ARID5B: variants seen among roughly 807,000 people sequenced by gnomAD.
The protein encoded by ARID5B is AT-rich interactive domain-containing protein 5B.
In ARID5B, 13 loss-of-function variants were observed where a neutral mutation model predicts 97.2. The observed-to-expected ratio is 0.13, with a 90% confidence interval of 0.09 to 0.21. ARID5B has a LOEUF of 0.21. ARID5B is among the 10% of genes least tolerant of loss of function. The pLI is 1.00. For missense variants in ARID5B, 1,210 were observed against 1,465.3 expected (o/e 0.83, Z 2.84); for synonymous variants, 556 against 570.3 (o/e 0.97, Z 0.36).
At chr10:62,051,036 C>T (rs1839782602) in intron 5 of ARID5B, 36 bp downstream of exon 5, 8 of 1,553,364 alleles carry the variant, frequency 5.2e-6, no homozygotes, top group Non-Finnish European at 7.1e-6. Flanking sequence ...CATTTCGTTG[C>T]ATCTTTTTAT....
intron 3 of ARID5B, among the ~76,000 whole-genome samples, chr10:61,988,690 A>G (rs1211097015): frequency 6.6e-6 from 1 of 151,960 alleles, no homozygotes; most frequent in Non-Finnish European, 1.5e-5. Flanking sequence ...GAACAACCTC[A>G]TTTTTCCCAA....
intron 8 of ARID5B, among the ~76,000 whole-genome samples, chr10:62,078,922 T>C (rs767922766): frequency 1.2e-4 from 18 of 152,246 alleles, no homozygotes; most frequent in Non-Finnish European, 2.1e-4. Context: ...ATGATCCAAC[T>C]AGTATCACTA....
At chr10:61,938,467 T>A (rs1238351025) in intron 2 of ARID5B, among the ~76,000 whole-genome samples, 1 of 152,236 alleles carries the variant, frequency 6.6e-6, no homozygotes, top group African/African-American at 2.4e-5. Flanking sequence ...GTCCAGAAGC[T>A]GTTCCCATAT....
intron 3 of ARID5B, among the ~76,000 whole-genome samples, chr10:61,942,168 A>T (rs1386079668): frequency 1.3e-5 from 2 of 152,222 alleles, no homozygotes; most frequent in Admixed American, 6.5e-5. Flanking sequence ...AATTGTGTTT[A>T]AAATGGATAA....
chr10:62,051,200 C>A, intron 5 of ARID5B, 200 bp downstream of exon 5: 1 of 645,598 alleles, frequency 1.5e-6, no homozygotes, highest in Non-Finnish European at 2.8e-6. Flanking sequence ...GGGAGGTAGG[C>A]ATTTTGATTA....
chr10:61,932,954 A>G (rs995755719), intron 2 of ARID5B, among the ~76,000 whole-genome samples: 1 of 152,188 alleles, frequency 6.6e-6, no homozygotes, highest in African/African-American at 2.4e-5. Context: ...AAATTTAGCC[A>G]GGCCTGTAGT....
chr10:62,062,210 C>T (rs1839929876), intron 7 of ARID5B, among the ~76,000 whole-genome samples: 1 of 152,190 alleles, frequency 6.6e-6, no homozygotes, highest in Admixed American at 6.5e-5. Context: ...AAGCTGTCAT[C>T]ACAGAGTTAC....
At chr10:61,974,971 G>C (rs1440983193) in intron 3 of ARID5B, among the ~76,000 whole-genome samples, 1 of 149,272 alleles carries the variant, frequency 6.7e-6, no homozygotes, top group East Asian at 1.9e-4. Context: ...TTCAGTTTTC[G>C]AAGGAATAAT....
intron 2 of ARID5B, among the ~76,000 whole-genome samples, chr10:61,916,181 G>A (rs1488338420): frequency 1.3e-5 from 2 of 152,216 alleles, no homozygotes; most frequent in Non-Finnish European, 2.9e-5. Context: ...AGCCTGCCGA[G>A]TAGCTGGGAT....
At chr10:62,090,215 G>A (rs1840350308) in intron 9 of ARID5B, among the ~76,000 whole-genome samples, 1 of 152,208 alleles carries the variant, frequency 6.6e-6, no homozygotes, top group Non-Finnish European at 1.5e-5. Context: ...GAAGGACTTA[G>A]TCTCCTCTGT....
At position 61,999,929 on chromosome 10, in the gene ARID5B, G is replaced by T. The variant is rs375763973; in HGVS notation, c.503-162G>T. ...TGAAGCGTATTCTGTGGGGCTGGATGGGTGAAGTGGGGCTGGGAGGATGCT... is the reference window on the plus strand; with the variant it reads ...TGAAGCGTATTCTGTGGGGCTGGATTGGTGAAGTGGGGCTGGGAGGATGCT... On this transcript the variant is annotated intron_variant, in intron 3 of 9. Coordinates refer to ENST00000279873, the MANE Select transcript of ARID5B (RefSeq NM_032199.3). Among the ~76,000 whole-genome samples the T allele has an allele frequency of 3.9e-5, 6 of 152,132 alleles. No homozygotes were observed. The East Asian group carries it at 7.7e-4, about 20-fold the overall frequency.
intron 2 of ARID5B, among the ~76,000 whole-genome samples, chr10:61,933,900 C>T (rs1279769942): frequency 6.6e-6 from 1 of 152,214 alleles, no homozygotes; most frequent in Non-Finnish European, 1.5e-5. Flanking sequence ...TCCTCTGAAG[C>T]TTTGAAGCTG....
chr10:61,915,512 T>A (rs13377168), intron 2 of ARID5B, among the ~76,000 whole-genome samples: 75,506 of 151,916 alleles, frequency 0.5, 19,126 homozygotes, highest in African/African-American at 0.58. Context: ...TGGTGAGCAC[T>A]ACCTCCCTGC....
intron 4 of ARID5B, among the ~76,000 whole-genome samples, chr10:62,033,529 T>C (rs1839523621): frequency 6.6e-6 from 1 of 152,212 alleles, no homozygotes; most frequent in Non-Finnish European, 1.5e-5. Context: ...ATAAGTAGCT[T>C]TCCTGCACTT....
At position 62,095,327 on chromosome 10, in the gene ARID5B, C is replaced by T. The variant is rs1396537730; in HGVS notation, c.*2297C>T. 2 of 233,002 alleles carry T rather than the reference C, an allele frequency of 8.6e-6. No homozygotes were observed. The highest frequency in any genetic ancestry group is 1.7e-5 in the Non-Finnish European group (2 of 117,896). 14.4% of individuals were successfully genotyped at this position (233,002 alleles called of 1,614,324 possible). A position where few individuals can be genotyped will look rare whatever the true frequency, so the allele number is the denominator to read the frequency against. ...AAAGGAAACTTCGGTGGTTCTGCAG[C>T]AGACATGGGCTAGGTCATATGTGGT... On this transcript the variant is annotated 3_prime_UTR_variant, in exon 10 of 10. Transcript: ENST00000279873.
chr10:62,073,466 A>G (rs1237535273), intron 8 of ARID5B, among the ~76,000 whole-genome samples: 28 of 152,226 alleles, frequency 1.8e-4, no homozygotes, highest in Admixed American at 1.6e-3. Context: ...TTTTTATTTA[A>G]GGCAAAGCAG....
rs1332668183 is a variant in ARID5B, at chr10:62,000,057, A to G, written c.503-34A>G. The G allele has an allele frequency of 6.3e-7, 1 of 1,593,852 alleles. No individual in the cohort carries two copies. Among genetic ancestry groups the G allele is most frequent in the Non-Finnish European group, 8.6e-7 (1 of 1,161,906 alleles). ...CCATGAAAGTTCTTTGTCAGAGGGA[A>G]GAGGGTAATGGAAGTGTTTTCTCGT... On this transcript the variant is annotated intron_variant, in intron 3 of 9. Coordinates refer to ENST00000279873, the MANE Select transcript of ARID5B (RefSeq NM_032199.3). This position sits in a 1 kb window ranked among gnomAD's most constrained non-coding sequence, Gnocchi z 4.4.
chr10:61,922,703 G>A (rs140987910), intron 2 of ARID5B, among the ~76,000 whole-genome samples: 4 of 152,360 alleles, frequency 2.6e-5, no homozygotes, highest in Non-Finnish European at 4.4e-5. Flanking sequence ...ATCCACATGA[G>A]AGGGATTCTT....
intron 3 of ARID5B, among the ~76,000 whole-genome samples, chr10:61,972,552 T>G (rs1250281250): frequency 6.6e-6 from 1 of 152,150 alleles, no homozygotes; most frequent in African/African-American, 2.4e-5. Flanking sequence ...CAAAAACACT[T>G]AATATGCTCT....
Sources: allele counts gnomAD v4.1 joint callset (sites outside exome capture counted in the v4.1 genomes callset), GRCh38; gene constraint gnomAD v4.1.1; non-coding constraint Gnocchi (gnomAD v3.1); transcripts MANE v1.5; gene names NCBI Gene and HGNC (gene_info 2026-07-23, HGNC 2026-07-21).